VPS41: variants seen among roughly 807,000 people sequenced by gnomAD.
The protein encoded by VPS41 is VPS41 subunit of HOPS complex, also known as vacuolar protein sorting-associated protein 41 homolog.
VPS41 carries 85 observed loss-of-function variants against 130.9 expected under a neutral mutation model. The ratio of observed to expected loss-of-function variants is 0.65; its 90% CI spans 0.55 to 0.78. VPS41 has a LOEUF of 0.78. Ranked by LOEUF, VPS41 falls within the 30% of genes least tolerant of loss-of-function variation. The pLI, the probability that VPS41 is intolerant of heterozygous loss-of-function variation, is 0.00. For synonymous variants in VPS41, 335 were observed against 332.9 expected (o/e 1.01, Z -0.07); for missense variants, 874 against 1,018.7 (o/e 0.86, Z 1.93).
rs114323256 is a variant in VPS41 at position 38,846,111 on chromosome 7, A to G, written c.247-15783T>C. On this transcript the variant is annotated intron_variant, in intron 4 of 28. Transcript: ENST00000310301. ...TGCACTTAACAAAAAAGCAACTAAT[A>G]GTACCAAACACCCAACATGATATAA... 7.8e-3 allele frequency among the ~76,000 whole-genome samples: 1,181 copies of G among 152,330 alleles called. 16 individuals carry two copies. Among genetic ancestry groups the G allele is most frequent in the African/African-American group, 0.027 (1,131 of 41,566 alleles).
chr7:38,823,760 A>G (rs1242589134), intron 5 of VPS41, among the ~76,000 whole-genome samples: 1 of 152,232 alleles, frequency 6.6e-6, no homozygotes, highest in East Asian at 1.9e-4. Flanking sequence ...AATATAATGT[A>G]AAACAGAAGG....
chr7:38,895,426 T>C (rs1037075252), intron 2 of VPS41, among the ~76,000 whole-genome samples: 1 of 151,982 alleles, frequency 6.6e-6, no homozygotes, highest in Non-Finnish European at 1.5e-5. Flanking sequence ...TGGAGTGTTA[T>C]GTTATTGTTT....
intron 10 of VPS41, among the ~76,000 whole-genome samples, chr7:38,784,465 T>C (rs1784402765): frequency 6.6e-6 from 1 of 152,050 alleles, no homozygotes; most frequent in Non-Finnish European, 1.5e-5. Flanking sequence ...GGAGACCACA[T>C]CTTTACAAAA....
chr7:38,757,421 T>C (rs1783819999), intron 18 of VPS41, among the ~76,000 whole-genome samples: 2 of 152,180 alleles, frequency 1.3e-5, no homozygotes, highest in South Asian at 2.1e-4. Flanking sequence ...AACTGAAATG[T>C]GTTTTTCCAT....
At chr7:38,878,736 A>G (rs1399658089) in intron 2 of VPS41, among the ~76,000 whole-genome samples, 1 of 152,218 alleles carries the variant, frequency 6.6e-6, no homozygotes, top group Non-Finnish European at 1.5e-5. Flanking sequence ...CTTGTTTCTG[A>G]TCTTAAAAAA....
At chr7:38,833,327 C>T (rs985703541) in intron 4 of VPS41, among the ~76,000 whole-genome samples, 2 of 152,148 alleles carry the variant, frequency 1.3e-5, no homozygotes, top group African/African-American at 4.8e-5. Flanking sequence ...TGATAAGAGA[C>T]ATTCCTTTGC....
chr7:38,755,765 A>C (rs1165856913), intron 19 of VPS41, among the ~76,000 whole-genome samples: 3 of 152,184 alleles, frequency 2.0e-5, no homozygotes, highest in African/African-American at 7.2e-5. Flanking sequence ...TTCCACAGGA[A>C]CATATGCAAA....
chr7:38,839,065 G>A (rs1785555645), intron 4 of VPS41, among the ~76,000 whole-genome samples: 1 of 152,162 alleles, frequency 6.6e-6, no homozygotes, highest in African/African-American at 2.4e-5. Flanking sequence ...ATAAGAAATA[G>A]AAGCCAGGAT....
At chr7:38,842,959 G>A (rs915816057) in intron 4 of VPS41, among the ~76,000 whole-genome samples, 6 of 152,214 alleles carry the variant, frequency 3.9e-5, no homozygotes, top group Admixed American at 2.0e-4. Context: ...AGAAAAGCTC[G>A]ATGAAGCTCC....
chr7:38,759,554 A>G (rs942127833), intron 17 of VPS41, among the ~76,000 whole-genome samples: 7 of 152,188 alleles, frequency 4.6e-5, no homozygotes, highest in Non-Finnish European at 7.4e-5. Flanking sequence ...TGCAGGGAAT[A>G]TTATTGTACA....
At position 38,725,251 on chromosome 7, in the gene VPS41, G is replaced by A. The variant is rs1408752406; in HGVS notation, c.*995C>T. The A allele has an allele frequency of 6.6e-6, 1 of 152,194 alleles. No homozygotes were observed. Among genetic ancestry groups the A allele is most frequent in the Non-Finnish European group, 1.5e-5 (1 of 68,062 alleles). The allele number at this position is 152,194 out of a possible 1,614,324, so 9.4% of individuals were successfully genotyped here. ...GACCATATATCCCAAGGAAGATGAAGCCAGTAACTGTAAGACACAATTACA... is the reference window on the plus strand; with the variant it reads ...GACCATATATCCCAAGGAAGATGAAACCAGTAACTGTAAGACACAATTACA... On this transcript the variant is annotated 3_prime_UTR_variant, in exon 29 of 29. Transcript: ENST00000310301.
chr7:38,795,820 G>A (rs1238819094), intron 8 of VPS41, among the ~76,000 whole-genome samples: 1 of 152,156 alleles, frequency 6.6e-6, no homozygotes, highest in African/African-American at 2.4e-5. Flanking sequence ...CTGGACAAAG[G>A]AGATTTTCTT....
At chr7:38,826,740 T>A (rs1195306465) in intron 5 of VPS41, among the ~76,000 whole-genome samples, 2 of 152,176 alleles carry the variant, frequency 1.3e-5, no homozygotes. Context: ...ATAATTCCAC[T>A]GCTAACCACT....
At chr7:38,796,398 T>C (rs915659807) in intron 8 of VPS41, 3 of 460,974 alleles carry the variant, frequency 6.5e-6, no homozygotes, top group Non-Finnish European at 1.3e-5. Context: ...ACTTGTTTCA[T>C]ATCAACTCTT....
chr7:38,730,320 GTCCACGTGT>G (rs1457897878), intron 25 of VPS41, among the ~76,000 whole-genome samples: 1 of 152,204 alleles, frequency 6.6e-6, no homozygotes, highest in East Asian at 1.9e-4. Context: ...ATCCTCAGTG[GTCCACGTGT>G]TCCTCTGAAA....
chr7:38,723,535 G>A lies in VPS41; in HGVS notation c.*2711C>T, dbSNP rs929381550. 4.0e-5 allele frequency: 6 copies of A among 151,498 alleles called. No homozygotes were observed. Among genetic ancestry groups the A allele is most frequent in the Non-Finnish European group, 7.4e-5 (5 of 67,926 alleles). The allele number at this position is 151,498 out of a possible 1,614,324, so 9.4% of individuals were successfully genotyped here. A position where few individuals can be genotyped will look rare whatever the true frequency, so the allele number is the denominator to read the frequency against. ...GCTCAGGAGTTCGAGACCAGCTTGG[G>A]CAACATGGTGAAACCTCATCTCTAC... On this transcript the variant is annotated 3_prime_UTR_variant, in exon 29 of 29. Transcript: ENST00000310301.
chr7:38,810,166 A>T (rs2116059451), intron 7 of VPS41, among the ~76,000 whole-genome samples: 1 of 152,192 alleles, frequency 6.6e-6, no homozygotes, highest in East Asian at 1.9e-4. Flanking sequence ...TCATGTGTCA[A>T]GCACTGGAGT....
At chr7:38,860,591 G>C (rs12674115) in intron 4 of VPS41, among the ~76,000 whole-genome samples, 50,846 of 151,840 alleles carry the variant, frequency 0.33, 10,300 homozygotes, top group African/African-American at 0.56. Flanking sequence ...CTATCAATAG[G>C]CTGTTCTTTT....
At chr7:38,796,588 T>C in intron 8 of VPS41, 157 bp downstream of exon 8, 3 of 1,076,120 alleles carry the variant, frequency 2.8e-6, no homozygotes, top group Non-Finnish European at 4.2e-6. Flanking sequence ...AGCAATCTAA[T>C]TTCTTTAACC....
Sources: allele counts gnomAD v4.1 joint callset (sites outside exome capture counted in the v4.1 genomes callset), GRCh38; gene constraint gnomAD v4.1.1; transcripts MANE v1.5; gene names NCBI Gene and HGNC (gene_info 2026-07-23, HGNC 2026-07-21).